PCDHGB1: variants seen among roughly 807,000 people sequenced by gnomAD.
PCDHGB1 encodes protocadherin gamma-B1.
A neutral mutation model predicts 56.6 loss-of-function variants in PCDHGB1; 34 were observed. That is an observed-to-expected ratio of 0.60 (90% CI 0.46 to 0.80). The LOEUF (loss-of-function observed/expected upper bound fraction) is 0.80, where lower values mean the gene tolerates loss of function less well. Ranked by LOEUF, PCDHGB1 falls within the 30% of genes least tolerant of loss-of-function variation. The pLI, the probability that PCDHGB1 is intolerant of heterozygous loss-of-function variation, is 0.00. For missense variants in PCDHGB1, 1,278 were observed against 1,204.6 expected (o/e 1.06, Z -0.90); for synonymous variants, 561 against 505.9 (o/e 1.11, Z -1.46).
chr5:141,382,674 C>G (rs951969894), intron 1 of PCDHGB1: 43 of 436,018 alleles, frequency 9.9e-5, no homozygotes, highest in African/African-American at 8.4e-4. Context: ...CCGCTGTTCA[C>G]CAACCAGGGA....
At chr5:141,438,605 T>TAC (rs2098010130) in intron 1 of PCDHGB1, among the ~76,000 whole-genome samples, 1 of 27,802 alleles carries the variant, frequency 3.6e-5, no homozygotes. Flanking sequence ...TATATATATA[T>TAC]ATATATATAT....
At chr5:141,372,381 A>G in intron 1 of PCDHGB1, 1 of 1,613,964 alleles carries the variant, frequency 6.2e-7, no homozygotes, top group Admixed American at 1.7e-5. Flanking sequence ...GCTGCACCTA[A>G]TCTTCGCAGA....
chr5:141,414,789 C>T, intron 1 of PCDHGB1: 1 of 1,614,218 alleles, frequency 6.2e-7, no homozygotes, highest in East Asian at 2.2e-5. Context: ...AGGTGACAGC[C>T]AGCGACAGCG....
At chr5:141,408,608 A>C in intron 1 of PCDHGB1, 1 of 1,614,072 alleles carries the variant, frequency 6.2e-7, no homozygotes, top group South Asian at 1.1e-5. Context: ...ATTTGATAAA[A>C]AGGAAATACA....
chr5:141,474,011 A>T (rs910186122), intron 1 of PCDHGB1, among the ~76,000 whole-genome samples: 2 of 152,112 alleles, frequency 1.3e-5, no homozygotes, highest in Non-Finnish European at 2.9e-5. Flanking sequence ...TGGAAGTTAC[A>T]GTGAGCTATG....
At chr5:141,399,936 C>T (rs1370105984) in intron 1 of PCDHGB1, 2 of 1,612,268 alleles carry the variant, frequency 1.2e-6, no homozygotes, top group Non-Finnish European at 8.5e-7. Flanking sequence ...TGTCCTACCA[C>T]GTGCTGCAGG....
At chr5:141,494,768 C>T (rs758949982) in intron 1 of PCDHGB1, 39 bp from the exon 2 acceptor site, 1 of 1,614,060 alleles carries the variant, frequency 6.2e-7, no homozygotes, top group South Asian at 1.1e-5. Flanking sequence ...TCTAACTTCT[C>T]ACGGGTACTC....
In PCDHGB1 at chr5:141,489,180, C is replaced by T. The variant is rs942218118; in HGVS notation, c.2410-5627C>T. 7.9e-7 allele frequency: 1 copy of T among 1,259,748 alleles called. No homozygotes were observed. The highest frequency in any genetic ancestry group is 2.0e-4 in the Middle Eastern group (1 of 5,096). The allele number at this position is 1,259,748 out of a possible 1,614,324, so 78.0% of individuals were successfully genotyped here. A position where few individuals can be genotyped will look rare whatever the true frequency, so the allele number is the denominator to read the frequency against. On this transcript the variant is annotated intron_variant, in intron 1 of 3. Coordinates refer to ENST00000523390, the MANE Select transcript of PCDHGB1 (RefSeq NM_018922.3). This position sits in a 1 kb window ranked among gnomAD's most constrained non-coding sequence, Gnocchi z 4.5. ...GACTTCAGCTGCTGCATTCCAAGCCCTGGGTCTACCTTGGAGACAGGACAG... is the reference window on the plus strand; with the variant it reads ...GACTTCAGCTGCTGCATTCCAAGCCTTGGGTCTACCTTGGAGACAGGACAG...
At chr5:141,395,147 G>A in intron 1 of PCDHGB1, 1 of 1,614,210 alleles carries the variant, frequency 6.2e-7, no homozygotes, top group Non-Finnish European at 8.5e-7. Flanking sequence ...ACGCAGACAT[G>A]CTCATCAGTC....
intron 1 of PCDHGB1, chr5:141,393,556 G>A (rs758148175): frequency 5.6e-6 from 9 of 1,613,916 alleles, no homozygotes; most frequent in East Asian, 2.2e-5. Flanking sequence ...CCGATTTACC[G>A]AGTGAAAGTC....
chr5:141,433,159 T>C, intron 1 of PCDHGB1: 2 of 1,613,968 alleles, frequency 1.2e-6, no homozygotes, highest in Non-Finnish European at 1.7e-6. Flanking sequence ...CGGTATTTTC[T>C]AAAGACAGTC....
At chr5:141,447,520 T>C (rs1156521785) in intron 1 of PCDHGB1, among the ~76,000 whole-genome samples, 1 of 152,202 alleles carries the variant, frequency 6.6e-6, no homozygotes, top group Non-Finnish European at 1.5e-5. Context: ...ATAACAATCA[T>C]AACAAAATTG....
In PCDHGB1 at chr5:141,491,354, C is replaced by T. The variant is rs2099710960; in HGVS notation, c.2410-3453C>T. The T allele has an allele frequency of 6.2e-7, 1 of 1,614,166 alleles. No homozygotes were observed. Among genetic ancestry groups the T allele is most frequent in the South Asian group, 1.1e-5 (1 of 91,088 alleles). On this transcript the variant is annotated intron_variant, in intron 1 of 3. Coordinates refer to ENST00000523390, the MANE Select transcript of PCDHGB1 (RefSeq NM_018922.3). This position sits in a 1 kb window ranked among gnomAD's most constrained non-coding sequence, Gnocchi z 6.9. ...GCTCTAGCGACCGTCAGTCTCTTAT[C>T]CCTAGTCACCTTCACCTTTCTGTCA...
chr5:141,415,269 G>T, intron 1 of PCDHGB1: 1 of 1,614,228 alleles, frequency 6.2e-7, no homozygotes, highest in African/African-American at 1.3e-5. Flanking sequence ...TGTACCTGGT[G>T]GTAGCGGTGG....
In PCDHGB1 at chr5:141,350,984, G is replaced by C; in HGVS notation, c.724G>C (p.Glu242Gln). Residue 242 changes from glutamate (E) to glutamine (Q), a missense_variant, in exon 1 of 4, where the codon GAG becomes CAG. Coordinates refer to ENST00000523390, the MANE Select transcript of PCDHGB1 (RefSeq NM_018922.3). ...ANDNAPVFSQEVYRVSLQENV... is the reference protein window; with the variant it reads ...ANDNAPVFSQQVYRVSLQENV... ...TGATAATGCTCCCGTGTTTAGCCAG[G>C]AGGTATACAGGGTTAGCCTCCAAGA... The C allele has an allele frequency of 1.4e-5, 23 of 1,614,090 alleles. No individual in the cohort carries two copies. Among genetic ancestry groups the C allele is most frequent in the Non-Finnish European group, 1.9e-5 (22 of 1,179,912 alleles).
intron 1 of PCDHGB1, chr5:141,375,639 CCTTCGACTA>C (rs1771695189): frequency 6.2e-6 from 10 of 1,614,244 alleles, no homozygotes; most frequent in Non-Finnish European, 8.5e-6. Flanking sequence ...GCCCTGCGCT[CCTTCGACTA>C]TGAGCAGTTG....
chr5:141,458,168 A>G (rs1287422935), intron 1 of PCDHGB1, among the ~76,000 whole-genome samples: 1 of 152,254 alleles, frequency 6.6e-6, no homozygotes. Context: ...TGTTCACAGT[A>G]GTATACCTTA....
At chr5:141,423,357 C>A in intron 1 of PCDHGB1, 1 of 1,614,214 alleles carries the variant, frequency 6.2e-7, no homozygotes, top group Non-Finnish European at 8.5e-7. Flanking sequence ...TCTTTGTCAT[C>A]GTGCTGCTGG....
At chr5:141,356,989 G>A (rs1760420432) in intron 1 of PCDHGB1, 4 of 1,614,240 alleles carry the variant, frequency 2.5e-6, no homozygotes, top group Non-Finnish European at 3.4e-6. Context: ...AGTGGACAGA[G>A]ACTCAGGTCA....
Sources: allele counts gnomAD v4.1 joint callset (sites outside exome capture counted in the v4.1 genomes callset), GRCh38; gene constraint gnomAD v4.1.1; non-coding constraint Gnocchi (gnomAD v3.1); transcripts MANE v1.5; gene names NCBI Gene and HGNC (gene_info 2026-07-23, HGNC 2026-07-21).